Variants in ZNF385D observed in about 807,000 individuals in gnomAD.
ZNF385D encodes the protein zinc finger protein 385D, also known as zinc finger protein 659.
ZNF385D carries 15 observed loss-of-function variants against 35.8 expected under a neutral mutation model. The ratio of observed to expected loss-of-function variants is 0.42; its 90% CI spans 0.28 to 0.64. The LOEUF (loss-of-function observed/expected upper bound fraction) is 0.64. Among genes scored for constraint, ZNF385D ranks in the 30% least tolerant of loss-of-function variants. The probability of loss-of-function intolerance (pLI) is 0.23; values close to 1 mark genes in which losing one functional copy is unlikely to be tolerated. For missense variants in ZNF385D, 474 were observed against 494.6 expected (o/e 0.96, Z 0.39); for synonymous variants, 212 against 186.8 (o/e 1.13, Z -1.10).
chr3:21,888,691 G>C (rs1332087657), intron 3 of ZNF385D, among the ~76,000 whole-genome samples: 1 of 152,234 alleles, frequency 6.6e-6, no homozygotes, highest in East Asian at 1.9e-4. Flanking sequence ...GTAGAGGGTA[G>C]AGGAGGAATA....
intron 3 of ZNF385D, among the ~76,000 whole-genome samples, chr3:22,167,832 C>G (rs1234653619): frequency 2.6e-5 from 4 of 152,140 alleles, no homozygotes; most frequent in African/African-American, 9.7e-5. Flanking sequence ...CTATAATTAA[C>G]TAAACGTCAT....
At chr3:21,655,331 T>G (rs1232116143) in intron 2 of ZNF385D, among the ~76,000 whole-genome samples, 2 of 152,038 alleles carry the variant, frequency 1.3e-5, no homozygotes, top group East Asian at 3.9e-4. Context: ...AGAACTCAAA[T>G]CTTTTAGATT....
chr3:22,264,366 G>C (rs189074854), intron 2 of ZNF385D, among the ~76,000 whole-genome samples: 87 of 152,146 alleles, frequency 5.7e-4, no homozygotes, highest in African/African-American at 2.0e-3. Flanking sequence ...CAATCCCACT[G>C]AAAGTGGTGA....
At chr3:22,176,250 C>T (rs1444116616) in intron 2 of ZNF385D, among the ~76,000 whole-genome samples, 1 of 152,084 alleles carries the variant, frequency 6.6e-6, no homozygotes, top group Non-Finnish European at 1.5e-5. Context: ...TTTAGCCACA[C>T]AACTCAGATA....
chr3:22,201,511 T>C (rs1005349282), intron 2 of ZNF385D, among the ~76,000 whole-genome samples: 3 of 152,080 alleles, frequency 2.0e-5, no homozygotes, highest in Non-Finnish European at 1.5e-5. Flanking sequence ...TACATTTTCA[T>C]AGAATAGATA....
chr3:21,740,954 C>T (rs1012059218), intron 1 of ZNF385D, among the ~76,000 whole-genome samples: 1 of 152,162 alleles, frequency 6.6e-6, no homozygotes, highest in Non-Finnish European at 1.5e-5. Flanking sequence ...TTTCAAAGTT[C>T]CCCAGGTGAT....
At chr3:21,845,433 T>G (rs1695946826) in intron 3 of ZNF385D, among the ~76,000 whole-genome samples, 1 of 152,030 alleles carries the variant, frequency 6.6e-6, no homozygotes, top group South Asian at 2.1e-4. Flanking sequence ...CTTCTCTTTC[T>G]TCTCTTTAAA....
chr3:21,559,055 A>G (rs1300922540), intron 3 of ZNF385D, among the ~76,000 whole-genome samples: 2 of 139,584 alleles, frequency 1.4e-5, no homozygotes, highest in Non-Finnish European at 3.0e-5. Flanking sequence ...TTTTGAGCTT[A>G]TGCGTGTTTT....
At chr3:21,702,106 C>A (rs2067709815) in intron 1 of ZNF385D, among the ~76,000 whole-genome samples, 1 of 152,208 alleles carries the variant, frequency 6.6e-6, no homozygotes, top group Admixed American at 6.5e-5. Context: ...GGCTCTGACC[C>A]CATATTTCCC....
At chr3:22,190,775 A>G (rs1204813008) in intron 2 of ZNF385D, among the ~76,000 whole-genome samples, 1 of 152,158 alleles carries the variant, frequency 6.6e-6, no homozygotes, top group Non-Finnish European at 1.5e-5. Flanking sequence ...TAACAAAGGT[A>G]CAGGCTATTT....
chr3:21,788,766 G>C (rs1362945595), intron 3 of ZNF385D, among the ~76,000 whole-genome samples: 1 of 152,176 alleles, frequency 6.6e-6, no homozygotes, highest in African/African-American at 2.4e-5. Flanking sequence ...GGAGGCAACA[G>C]TCTTGCTAGG....
chr3:22,241,042 A>C (rs1376662030), intron 2 of ZNF385D, among the ~76,000 whole-genome samples: 1 of 151,236 alleles, frequency 6.6e-6, no homozygotes, highest in African/African-American at 2.4e-5. Flanking sequence ...TCAATTGAGT[A>C]AATTTTTGCC....
chr3:22,349,134 C>T (rs185519058), intron 2 of ZNF385D, among the ~76,000 whole-genome samples: 23 of 152,248 alleles, frequency 1.5e-4, no homozygotes, highest in African/African-American at 5.3e-4. Flanking sequence ...GGGTAAAAAT[C>T]CCAATACTTA....
chr3:22,122,251 G>A (rs568849430), intron 3 of ZNF385D, among the ~76,000 whole-genome samples: 77 of 152,178 alleles, frequency 5.1e-4, no homozygotes, highest in African/African-American at 1.8e-3. Context: ...ACTAATTGAA[G>A]CTTGCAAGTG....
intron 2 of ZNF385D, chr3:21,579,442 TATTCTAAA>T (rs2063587236): frequency 6.6e-6 from 1 of 152,180 alleles, no homozygotes; most frequent in Non-Finnish European, 1.5e-5. Context: ...AATTTTCTCT[TATTCTAAA>T]ATATGTTCTT....
intron 2 of ZNF385D, among the ~76,000 whole-genome samples, chr3:22,327,096 A>G (rs1012073743): frequency 6.6e-6 from 1 of 152,190 alleles, no homozygotes; most frequent in African/African-American, 2.4e-5. Flanking sequence ...AAGTGCAAGA[A>G]ATATTGACTA....
intron 2 of ZNF385D, among the ~76,000 whole-genome samples, chr3:22,185,432 T>C (rs1695563756): frequency 6.6e-6 from 1 of 152,154 alleles, no homozygotes; most frequent in Non-Finnish European, 1.5e-5. Context: ...CTAAAACAAA[T>C]AATACATGTA....
intron 3 of ZNF385D, among the ~76,000 whole-genome samples, chr3:21,816,000 A>C (rs539026322): frequency 5.6e-4 from 85 of 152,330 alleles, no homozygotes; most frequent in Admixed American, 1.6e-3. Flanking sequence ...AGTGGGCTTC[A>C]TCCCAGGGAT....
chr3:21,827,805 A>G (rs17009655), intron 3 of ZNF385D, among the ~76,000 whole-genome samples: 5,718 of 152,302 alleles, frequency 0.038, 377 homozygotes, highest in African/African-American at 0.13. Flanking sequence ...ATTCAAATGC[A>G]GTTTTTGATC....
Sources: gnomAD v4.1 joint callset for allele counts (sites outside exome capture counted in the v4.1 genomes callset) on GRCh38, gnomAD v4.1.1 for gene constraint, MANE v1.5 for transcripts, NCBI Gene and HGNC (gene_info 2026-07-23, HGNC 2026-07-21) for gene names.